The following DDAH1 variants were observed in gnomAD, a reference collection of about 807,000 sequenced individuals.
DDAH1 encodes N(G),N(G)-dimethylarginine dimethylaminohydrolase 1.
A neutral mutation model predicts 28.8 loss-of-function variants in DDAH1; 19 were observed. The observed-to-expected ratio is 0.66, with a 90% CI of 0.46 to 0.97. The LOEUF (loss-of-function observed/expected upper bound fraction) is 0.97. Among genes scored for constraint, DDAH1 ranks in the 50% least tolerant of loss-of-function variants. DDAH1 has a pLI of 0.00. For missense variants in DDAH1, 326 were observed against 375.9 expected, an observed-to-expected ratio of 0.87 and a Z score of 1.10; for synonymous variants, 153 against 154.4, an observed-to-expected ratio of 0.99 and a Z score of 0.07.
chr1:85,562,115 T>C (rs1281439006), intron 1 of DDAH1, among the ~76,000 whole-genome samples: 1 of 152,108 alleles, frequency 6.6e-6, no homozygotes. Flanking sequence ...TTTGAACCCC[T>C]TCTAATCCCT....
Position 85,329,268 on chromosome 1 carries a change from A to G in DDAH1, c.598-4385T>C, listed in dbSNP as rs898105856. 3.9e-5 allele frequency among the ~76,000 whole-genome samples: 6 copies of G among 152,328 alleles called. No individual in the cohort carries two copies. The Middle Eastern group carries it at 0.01, about 259-fold the overall frequency. On this transcript the variant is annotated intron_variant, in intron 4 of 5. Coordinates refer to ENST00000284031, the MANE Select transcript of DDAH1 (RefSeq NM_012137.4). ...CCCATCTCAGAAAGTACCACGTGTC[A>G]CTGAAGTGACAGGGCCTGTCCAGTT...
At chr1:85,416,752 T>C (rs555233139) in intron 1 of DDAH1, among the ~76,000 whole-genome samples, 2 of 152,250 alleles carry the variant, frequency 1.3e-5, no homozygotes, top group East Asian at 1.9e-4. Flanking sequence ...ACTGTAACCT[T>C]TGCCTCGTGG....
At chr1:85,484,379 A>G (rs1656120710) in intron 2 of DDAH1, among the ~76,000 whole-genome samples, 1 of 152,156 alleles carries the variant, frequency 6.6e-6, no homozygotes, top group Non-Finnish European at 1.5e-5. Flanking sequence ...GGCAAGTAGC[A>G]ATTTCCATAA....
Position 85,321,540 on chromosome 1 carries a change from A to G in DDAH1, c.770T>C (p.Leu257Pro), listed in dbSNP as rs1473930468. The change falls in exon 6 of 6, where the codon CTG (leucine) becomes CCG (proline). Residue 257 changes from leucine (L) to proline (P), a missense_variant. Transcript: ENST00000284031. ...KVYEKLKDHM[L>P]IPVSMSELEK... ...CAGTTCAGACATGCTCACGGGGATC[A>G]GCATATGGTCCTTCAGTTTCTCATA... The G allele has an allele frequency of 6.2e-7, 1 of 1,613,952 alleles. No individual in the cohort carries two copies. The highest frequency in any genetic ancestry group is 8.5e-7 in the Non-Finnish European group (1 of 1,179,890).
rs372035750 is a variant in DDAH1, at chr1:85,448,820, TTTC to T, written c.303+15920_303+15922del. On this transcript the variant is annotated intron_variant, in intron 1 of 5. Transcript: ENST00000284031. ...ATCTGTTTAATTAAACACAGTGAAA[TTTC>T]TTTTCTGCCAGCAAAGAATTTTACA... 1.0e-3 allele frequency among the ~76,000 whole-genome samples: 158 copies of T among 152,326 alleles called. 1 individual carries two copies. Among genetic ancestry groups the T allele is most frequent in the African/African-American group, 3.5e-3 (145 of 41,588 alleles).
At chr1:85,394,038 G>A (rs1228715794) in intron 1 of DDAH1, among the ~76,000 whole-genome samples, 1 of 152,086 alleles carries the variant, frequency 6.6e-6, no homozygotes, top group Non-Finnish European at 1.5e-5. Flanking sequence ...TAATTAATTG[G>A]CTTAAAGAAA....
intron 4 of DDAH1, among the ~76,000 whole-genome samples, chr1:85,337,810 T>C (rs1459179105): frequency 6.6e-6 from 1 of 152,194 alleles, no homozygotes; most frequent in African/African-American, 2.4e-5. Flanking sequence ...TTAATAACTC[T>C]GAAAACCCTC....
chr1:85,434,107 C>T (rs899407670), intron 1 of DDAH1, among the ~76,000 whole-genome samples: 10 of 152,062 alleles, frequency 6.6e-5, no homozygotes, highest in South Asian at 2.1e-4. Context: ...TACACTGTTT[C>T]CCTCACCCCC....
intron 4 of DDAH1, among the ~76,000 whole-genome samples, chr1:85,334,096 G>A (rs58489234): frequency 0.017 from 2,614 of 152,188 alleles, 68 homozygotes; most frequent in East Asian, 0.12. Context: ...ATTGGATCAC[G>A]GGGACGGTTC....
Position 85,350,411 on chromosome 1 carries a change from T to TGTGTTTGTA in DDAH1, c.597+3_597+4insTACAAACAC. The TGTGTTTGTA allele has an allele frequency of 6.2e-7, 1 of 1,612,194 alleles. No individual in the cohort carries two copies. The highest frequency in any genetic ancestry group is 8.5e-7 in the Non-Finnish European group (1 of 1,179,452). ...ATTTAGAAGGAGCACAGTTTTGTAT[T>TGTGTTTGTA]TACCTTAAGGGCCTTCTGTGCAGAT... On this transcript the variant is annotated splice_donor_region_variant and intron_variant, in intron 4 of 5. Coordinates refer to ENST00000284031, the MANE Select transcript of DDAH1 (RefSeq NM_012137.4).
intron 4 of DDAH1, among the ~76,000 whole-genome samples, chr1:85,329,070 AG>A (rs747299613): frequency 6.6e-6 from 1 of 152,248 alleles, no homozygotes; most frequent in Admixed American, 6.5e-5. Context: ...CACTGGATCT[AG>A]CGGTCTGGGC....
intron 1 of DDAH1, among the ~76,000 whole-genome samples, chr1:85,425,446 T>C (rs1366356987): frequency 6.6e-6 from 1 of 152,166 alleles, no homozygotes; most frequent in Non-Finnish European, 1.5e-5. Context: ...AGCTAGACTT[T>C]CCTCATCTAT....
chr1:85,460,050 G>T (rs1437445483), intron 1 of DDAH1, among the ~76,000 whole-genome samples: 2 of 152,072 alleles, frequency 1.3e-5, no homozygotes, highest in Non-Finnish European at 2.9e-5. Context: ...TATGACTTTG[G>T]ACAAGTCACT....
intron 1 of DDAH1, among the ~76,000 whole-genome samples, chr1:85,516,026 CT>C (rs1657457721): frequency 6.6e-6 from 1 of 152,076 alleles, no homozygotes; most frequent in South Asian, 2.1e-4. Context: ...CCTTTTGTTT[CT>C]GTGTTGTTTG....
chr1:85,567,035 A>G (rs1196837024), intron 1 of DDAH1, among the ~76,000 whole-genome samples: 1 of 152,200 alleles, frequency 6.6e-6, no homozygotes, highest in East Asian at 1.9e-4. Flanking sequence ...ATCAGGCAGG[A>G]AGAATTACCT....
At chr1:85,339,493 T>TA (rs1648337464) in intron 4 of DDAH1, among the ~76,000 whole-genome samples, 2 of 152,120 alleles carry the variant, frequency 1.3e-5, no homozygotes, top group Admixed American at 1.3e-4. Flanking sequence ...ATTGGACAAA[T>TA]ACAACATTTT....
At chr1:85,503,523 A>C (rs1656896867) in intron 1 of DDAH1, among the ~76,000 whole-genome samples, 1 of 112,668 alleles carries the variant, frequency 8.9e-6, no homozygotes, top group Non-Finnish European at 2.0e-5. Context: ...AAGTTCATCT[A>C]TCTATCTATC....
chr1:85,528,587 A>G (rs1657951732), intron 1 of DDAH1, among the ~76,000 whole-genome samples: 1 of 151,908 alleles, frequency 6.6e-6, no homozygotes, highest in Admixed American at 6.6e-5. Flanking sequence ...ACAGACATGC[A>G]ATCCCTTCTT....
intron 1 of DDAH1, among the ~76,000 whole-genome samples, chr1:85,392,790 TA>T (rs11314404): frequency 0.76 from 83,537 of 109,226 alleles, 31,557 homozygotes; most frequent in South Asian, 0.84. Flanking sequence ...AGACTCTGTC[TA>T]AAAAAAAAAA....
Sources: gnomAD v4.1 joint callset for allele counts (sites outside exome capture counted in the v4.1 genomes callset) on GRCh38, gnomAD v4.1.1 for gene constraint, MANE v1.5 for transcripts, NCBI Gene and HGNC (gene_info 2026-07-23, HGNC 2026-07-21) for gene names.